Variants in APCDD1 observed in about 807,000 individuals in gnomAD.
APCDD1 encodes APC down-regulated 1.
In APCDD1, 15 loss-of-function variants were observed where a neutral mutation model predicts 38.1. The ratio of observed to expected loss-of-function variants is 0.39; its 90% CI spans 0.26 to 0.61. The LOEUF (loss-of-function observed/expected upper bound fraction) is 0.61, where lower values mean the gene tolerates loss of function less well. Among genes scored for constraint, APCDD1 ranks in the 20% least tolerant of loss-of-function variants. The pLI, the probability that APCDD1 is intolerant of heterozygous loss-of-function variation, is 0.49. For synonymous variants in APCDD1, 261 were observed against 279.7 expected, an observed-to-expected ratio of 0.93 and a Z score of 0.67; for missense variants, 647 against 696.2, an observed-to-expected ratio of 0.93 and a Z score of 0.79.
At position 10,471,731 on chromosome 18, in the gene APCDD1, C is replaced by G. The variant is rs1246241359; in HGVS notation, c.444C>G (p.His148Gln). 6.2e-7 allele frequency: 1 copy of G among 1,614,052 alleles called. No homozygotes were observed. The highest frequency in any genetic ancestry group is 8.5e-7 in the Non-Finnish European group (1 of 1,180,050). ...GCACGGAAGCCGACTACCAGCTGCA[C>G]AACGTCCAGGTGATCTGCCACACAG... ...RGGTEADYQL[H>Q]NVQVICHTEA... Residue 148 changes from histidine to glutamine, a missense_variant, in exon 3 of 5, where the codon CAC (histidine) becomes CAG (glutamine). By Grantham distance (24) the His-to-Gln change is conservative. Coordinates refer to ENST00000355285, the MANE Select transcript of APCDD1 (RefSeq NM_153000.5). This position sits in a 1 kb window ranked among gnomAD's most constrained non-coding sequence, Gnocchi z 5.5.
chr18:10,460,125 A>T (rs1220981756), intron 1 of APCDD1, among the ~76,000 whole-genome samples: 1 of 152,218 alleles, frequency 6.6e-6, no homozygotes, highest in Admixed American at 6.5e-5. Flanking sequence ...ACATTTTATT[A>T]TGTGTAAAAT....
intron 3 of APCDD1, among the ~76,000 whole-genome samples, chr18:10,478,878 G>A (rs520593): frequency 0.07 from 10,690 of 152,202 alleles, 1,218 homozygotes; most frequent in African/African-American, 0.24. Flanking sequence ...TAGAATCCCA[G>A]ATAGGAAAAG....
At chr18:10,480,641 G>C (rs957192435) in intron 3 of APCDD1, among the ~76,000 whole-genome samples, 4 of 152,072 alleles carry the variant, frequency 2.6e-5, no homozygotes, top group African/African-American at 9.6e-5. Context: ...CAGGCAGATT[G>C]CCCTGAGCTC....
chr18:10,455,626 T>A (rs2030360836), intron 1 of APCDD1, among the ~76,000 whole-genome samples: 1 of 152,192 alleles, frequency 6.6e-6, no homozygotes, highest in South Asian at 2.1e-4. Flanking sequence ...GGGTGTAATT[T>A]TAAGAAACAG....
intron 3 of APCDD1, among the ~76,000 whole-genome samples, chr18:10,484,024 G>C (rs553119767): frequency 6.6e-6 from 1 of 152,222 alleles, no homozygotes; most frequent in Non-Finnish European, 1.5e-5. Context: ...CATCTCTGAC[G>C]TGTGCACCTC....
Position 10,472,269 on chromosome 18 carries a change from A to G in APCDD1, c.774+208A>G, listed in dbSNP as rs1043325685. 6.6e-6 allele frequency among the ~76,000 whole-genome samples: 1 copy of G among 152,128 alleles called. No individual in the cohort carries two copies. The highest frequency in any genetic ancestry group is 1.5e-5 in the Non-Finnish European group (1 of 68,020). Reference sequence around the variant, plus strand: ...GCCAGTCAGGAGACCTGGGTCTGCCACCAACTTGCTCTGTGACTTGGAACC... The same window carrying G: ...GCCAGTCAGGAGACCTGGGTCTGCCGCCAACTTGCTCTGTGACTTGGAACC... On this transcript the variant is annotated intron_variant, in intron 3 of 4. Transcript: ENST00000355285. The surrounding 1 kb of genome is among the most constrained non-coding windows in gnomAD (Gnocchi z 6.6).
chr18:10,461,171 G>A (rs1425174574), intron 1 of APCDD1, among the ~76,000 whole-genome samples: 2 of 152,022 alleles, frequency 1.3e-5, no homozygotes, highest in African/African-American at 4.8e-5. Context: ...GTGCACACAC[G>A]CAGGTGCACA....
chr18:10,463,795 T>G (rs764246752), intron 1 of APCDD1, among the ~76,000 whole-genome samples: 23 of 152,214 alleles, frequency 1.5e-4, no homozygotes, highest in Admixed American at 2.6e-4. Context: ...GTTGGGTACT[T>G]TGAAGGGAAA....
Position 10,454,777 on chromosome 18 carries a change from G to T in APCDD1, c.-205G>T. ...GCCGGGACGCGGACCGGGCCGGGGC[G>T]CCCACAGCCGCCCGACGGCGCCCAG... On this transcript the variant is annotated 5_prime_UTR_variant, in exon 1 of 5. Coordinates refer to ENST00000355285, the MANE Select transcript of APCDD1 (RefSeq NM_153000.5). 1.0e-6 allele frequency: 1 copy of T among 980,406 alleles called. No individual in the cohort carries two copies. The highest frequency in any genetic ancestry group is 1.2e-6 in the Non-Finnish European group (1 of 828,120). The allele number at this position is 980,406 out of a possible 1,614,324, so 60.7% of individuals were successfully genotyped here.
At chr18:10,483,228 C>T (rs1038155292) in intron 3 of APCDD1, among the ~76,000 whole-genome samples, 6 of 152,198 alleles carry the variant, frequency 3.9e-5, no homozygotes, top group Non-Finnish European at 8.8e-5. Flanking sequence ...CCTAATGGGC[C>T]TCATGCAGGA....
Position 10,488,901 on chromosome 18 carries a change from C to T in APCDD1, c.*863C>T, listed in dbSNP as rs1311792593. 3.3e-5 allele frequency: 5 copies of T among 152,210 alleles called. No homozygotes were observed. Among genetic ancestry groups the T allele is most frequent in the Non-Finnish European group, 5.9e-5 (4 of 68,054 alleles). The allele number at this position is 152,210 out of a possible 1,614,324, so 9.4% of individuals were successfully genotyped here. ...CCACACAAATGATAGAGAAAGTGCC[C>T]GTTCATTGCAGTTTCCTCTTCCTGG... On this transcript the variant is annotated 3_prime_UTR_variant, in exon 5 of 5. Coordinates refer to ENST00000355285, the MANE Select transcript of APCDD1 (RefSeq NM_153000.5).
At position 10,488,191 on chromosome 18, in the gene APCDD1, C is replaced by G. The variant is rs755195456; in HGVS notation, c.*153C>G. ...TCTCCCTCCCTCCCAGCCCCTGAGT[C>G]ATGAACAGCAAGGAGTGTTTGAAGT... On this transcript the variant is annotated 3_prime_UTR_variant, in exon 5 of 5. Transcript: ENST00000355285. 4 of 957,564 alleles carry G rather than the reference C, an allele frequency of 4.2e-6. No individual in the cohort carries two copies. Among genetic ancestry groups the G allele is most frequent in the Admixed American group, 2.1e-5 (1 of 46,748 alleles). The allele number at this position is 957,564 out of a possible 1,614,324, so 59.3% of individuals were successfully genotyped here.
intron 1 of APCDD1, among the ~76,000 whole-genome samples, chr18:10,460,795 G>C (rs1056979869): frequency 6.6e-6 from 1 of 152,088 alleles, no homozygotes; most frequent in Non-Finnish European, 1.5e-5. Flanking sequence ...GTACACTGGC[G>C]TGCTTCCTTA....
At chr18:10,464,610 G>A (rs1219417853) in intron 1 of APCDD1, among the ~76,000 whole-genome samples, 1 of 152,020 alleles carries the variant, frequency 6.6e-6, no homozygotes, top group African/African-American at 2.4e-5. Context: ...TTGTAGAGAT[G>A]GGGTCTTGTT....
intron 3 of APCDD1, among the ~76,000 whole-genome samples, chr18:10,481,414 A>G (rs2031133825): frequency 6.6e-6 from 1 of 152,228 alleles, no homozygotes; most frequent in Non-Finnish European, 1.5e-5. Flanking sequence ...AGGAGCTTAT[A>G]GTAAGTGAAA....
intron 1 of APCDD1, among the ~76,000 whole-genome samples, chr18:10,457,765 G>A (rs1442807844): frequency 6.6e-6 from 1 of 152,100 alleles, no homozygotes; most frequent in African/African-American, 2.4e-5. Context: ...CGGTTTTGTG[G>A]CTACTTCTAT....
rs1275844467 is a variant in APCDD1, at chr18:10,487,931, A to C, written c.1438A>C (p.Ser480Arg). 1.4e-5 allele frequency: 23 copies of C among 1,613,358 alleles called. No individual in the cohort carries two copies. Among genetic ancestry groups the C allele is most frequent in the Non-Finnish European group, 1.9e-5 (22 of 1,179,830 alleles). Reference protein sequence around the residue: ...SPRAEDLAEDSGSSLYGRAPG... With the variant: ...SPRAEDLAEDRGSSLYGRAPG... The stretch of plus-strand genomic sequence containing the variant: ...GAGGGCAGAGGACCTCGCAGAAGAC[A>C]GTGGAAGCAGCCTGTATGGCCGGGC... The change falls in exon 5 of 5, where the codon AGT (serine) becomes CGT (arginine). Residue 480 changes from serine to arginine, a missense_variant. Ser to Arg is a moderately radical substitution (Grantham distance 110). Coordinates refer to ENST00000355285, the MANE Select transcript of APCDD1 (RefSeq NM_153000.5).
chr18:10,465,096 T>C (rs1446827412), intron 1 of APCDD1, among the ~76,000 whole-genome samples: 2 of 152,196 alleles, frequency 1.3e-5, no homozygotes, highest in African/African-American at 4.8e-5. Flanking sequence ...TTAAGTGATT[T>C]GTTTAAGGTC....
intron 3 of APCDD1, chr18:10,477,311 T>A (rs920393805): frequency 1.3e-5 from 2 of 152,224 alleles, no homozygotes; most frequent in African/African-American, 4.8e-5. Context: ...GTGTTTCCTA[T>A]AAGGCAGCAA....
Sources: gnomAD v4.1 joint callset for allele counts (sites outside exome capture counted in the v4.1 genomes callset) on GRCh38, gnomAD v4.1.1 for gene constraint, Gnocchi (gnomAD v3.1) non-coding constraint, MANE v1.5 for transcripts, NCBI Gene and HGNC (gene_info 2026-07-23, HGNC 2026-07-21) for gene names.